Variants in CELF2 observed in about 807,000 individuals in gnomAD.
CELF2 encodes CUGBP Elav-like family member 2, also known as CUG triplet repeat RNA-binding protein 2.
Under a neutral mutation model 62.6 loss-of-function variants are expected in CELF2, and 8 were observed. That is an observed-to-expected ratio of 0.13 (90% CI 0.07 to 0.23). The LOEUF (loss-of-function observed/expected upper bound fraction) is 0.23, where lower values mean the gene tolerates loss of function less well. Among genes scored for constraint, CELF2 ranks in the 10% least tolerant of loss-of-function variants. CELF2 has a pLI of 1.00. For missense variants in CELF2, 333 were observed against 671.0 expected (o/e 0.50, Z 5.56); for synonymous variants, 258 against 250.0 (o/e 1.03, Z -0.30).
chr10:10,574,457 T>C, the CELF2 span, among the ~76,000 whole-genome samples: 2 of 152,184 alleles, frequency 1.3e-5, no homozygotes, highest in Admixed American at 1.3e-4. Flanking sequence ...AAACGTGTTA[T>C]GATCCACCAA....
intron 2 of CELF2, among the ~76,000 whole-genome samples, chr10:11,210,760 G>T (rs748576182): frequency 2.0e-5 from 3 of 152,112 alleles, no homozygotes; most frequent in African/African-American, 7.2e-5. Context: ...GTTGTGACTC[G>T]TTGGCATGTG....
chr10:11,227,643 T>G lies in CELF2; in HGVS notation c.354+10136T>G, dbSNP rs1487439087. Among the ~76,000 whole-genome samples the G allele has an allele frequency of 6.6e-6, 1 of 152,196 alleles. No individual in the cohort carries two copies. The highest frequency in any genetic ancestry group is 2.4e-5 in the African/African-American group (1 of 41,432). On this transcript the variant is annotated intron_variant, in intron 3 of 12. Transcript: ENST00000633077. This position sits in a 1 kb window ranked among gnomAD's most constrained non-coding sequence, Gnocchi z 4.8. ...TCGGCCGGAATCTAAGGGATAGAGATGTATCATGAGGTGGAAGCTCAGGCT... is the reference window on the plus strand; with the variant it reads ...TCGGCCGGAATCTAAGGGATAGAGAGGTATCATGAGGTGGAAGCTCAGGCT...
In CELF2 at chr10:11,217,522, T is replaced by A; in HGVS notation, c.354+15T>A. ...CTTTACCTGGGGTGAGTCGGTTTACTTTTGTACCAGAATCACTTTATTGCT... is the reference window on the plus strand; with the variant it reads ...CTTTACCTGGGGTGAGTCGGTTTACATTTGTACCAGAATCACTTTATTGCT... On this transcript the variant is annotated intron_variant, in intron 3 of 12. Transcript: ENST00000633077. This position sits in a 1 kb window ranked among gnomAD's most constrained non-coding sequence, Gnocchi z 5.6. The A allele has an allele frequency of 6.4e-7, 1 of 1,572,598 alleles. No homozygotes were observed. Among genetic ancestry groups the A allele is most frequent in the Non-Finnish European group, 8.7e-7 (1 of 1,145,530 alleles).
the CELF2 span, among the ~76,000 whole-genome samples, chr10:10,685,163 G>A: frequency 6.6e-6 from 1 of 152,176 alleles, no homozygotes; most frequent in South Asian, 2.1e-4. Flanking sequence ...CTGGGAACCA[G>A]GGGGCCAGAA....
At chr10:10,598,235 A>G in the CELF2 span, among the ~76,000 whole-genome samples, 1 of 152,316 alleles carries the variant, frequency 6.6e-6, no homozygotes, top group Non-Finnish European at 1.5e-5. Flanking sequence ...GTGTTCTAGA[A>G]ACTCAGGTAG....
At chr10:10,755,444 T>C in the CELF2 span, among the ~76,000 whole-genome samples, 2 of 152,170 alleles carry the variant, frequency 1.3e-5, no homozygotes, top group African/African-American at 4.8e-5. Flanking sequence ...AGGGCTGGGA[T>C]AGGCTTCAGT....
intron 1 of CELF2, among the ~76,000 whole-genome samples, chr10:11,119,342 A>C (rs528875144): frequency 8.7e-4 from 132 of 152,338 alleles, no homozygotes; most frequent in African/African-American, 2.9e-3. Flanking sequence ...TGTCCTAAGG[A>C]CAGTAGATGT....
At chr10:10,846,014 C>T (rs150337681) in intron 1 of CELF2, 10 of 588,398 alleles carry the variant, frequency 1.7e-5, no homozygotes, top group South Asian at 1.5e-4. Context: ...GTCTCAGCTT[C>T]GGCATCTGTA....
In CELF2 at chr10:11,024,506, G is replaced by C. The variant is rs1228899939; in HGVS notation, c.74+6343G>C. On this transcript the variant is annotated intron_variant, in intron 1 of 12. Transcript: ENST00000633077. The stretch of plus-strand genomic sequence containing the variant: ...GTCCCACTTACTTGGGAGGCTGAGG[G>C]GGGAGGATCGCCTGAACCTGGGAGG... Among the ~76,000 whole-genome samples, 3 of 152,110 alleles carry C rather than the reference G, an allele frequency of 2.0e-5. No homozygotes were observed. The East Asian group carries it at 5.8e-4, about 29-fold the overall frequency.
rs935940540 is a variant in CELF2, at chr10:11,018,269, C to A, written c.74+106C>A. 4 of 912,624 alleles carry A rather than the reference C, an allele frequency of 4.4e-6. No homozygotes were observed. In the African/African-American group the frequency reaches 5.4e-5, roughly 12 times the overall value. 56.5% of individuals were successfully genotyped at this position (912,624 alleles called of 1,614,324 possible). ...CCGCAGCTCCCGGGCGCGACTCGGC[C>A]GCTTCGGATCCGTCGCCTCCCTCGG... On this transcript the variant is annotated intron_variant, in intron 1 of 12. Transcript: ENST00000633077.
rs1475942303 is a variant in CELF2 at position 10,931,681 on chromosome 10, AC to A, written c.89+11684del. ...TGGTTTACAAGTTTTTAAAATACATACCTAATTAATAATGGAGATGCTTATG... is the reference window on the plus strand; with the variant it reads ...TGGTTTACAAGTTTTTAAAATACATACTAATTAATAATGGAGATGCTTATG... On this transcript the variant is annotated intron_variant, in intron 2 of 13. Coordinates refer to the CELF2 transcript ENST00000636488. The surrounding 1 kb of genome is among the most constrained non-coding windows in gnomAD (Gnocchi z 6.1). Among the ~76,000 whole-genome samples, 3 of 152,336 alleles carry A rather than the reference AC, an allele frequency of 2.0e-5. No homozygotes were observed. Among genetic ancestry groups the A allele is most frequent in the Non-Finnish European group, 2.9e-5 (2 of 68,030 alleles).
In CELF2 at chr10:10,890,994, G is replaced by A. The variant is rs2062099951; in HGVS notation, c.54-28970G>A. 1.3e-5 allele frequency among the ~76,000 whole-genome samples: 2 copies of A among 151,522 alleles called. 1 individual carries two copies. The highest frequency in any genetic ancestry group is 4.2e-4 in the South Asian group (2 of 4,782). Reference sequence around the variant, plus strand: ...TGCAGCATTGCACTCCAGCCTGGGCGACAAGAGCAAGACTTCATCTCAAAA... The same window carrying A: ...TGCAGCATTGCACTCCAGCCTGGGCAACAAGAGCAAGACTTCATCTCAAAA... On this transcript the variant is annotated intron_variant, in intron 1 of 13. Transcript: ENST00000636488.
chr10:10,464,585 C>T, the CELF2 span, among the ~76,000 whole-genome samples: 1 of 152,044 alleles, frequency 6.6e-6, no homozygotes, highest in Non-Finnish European at 1.5e-5. Context: ...TTCCTTCTGG[C>T]TTAAAATAAG....
intron 1 of CELF2, among the ~76,000 whole-genome samples, chr10:11,023,446 T>C (rs900328874): frequency 6.6e-6 from 1 of 152,226 alleles, no homozygotes; most frequent in Non-Finnish European, 1.5e-5. Flanking sequence ...GCAGCAAATG[T>C]GATGCTTTCA....
chr10:11,221,898 C>G (rs890737810), intron 3 of CELF2, among the ~76,000 whole-genome samples: 1 of 152,208 alleles, frequency 6.6e-6, no homozygotes, highest in East Asian at 1.9e-4. Flanking sequence ...TTTACAATAA[C>G]CCATGCAAGG....
chr10:11,319,010 A>G lies in CELF2; in HGVS notation c.1097-2179A>G, dbSNP rs746796630. On this transcript the variant is annotated intron_variant, in intron 10 of 12. Coordinates refer to ENST00000633077, the MANE Select transcript of CELF2 (RefSeq NM_001326342.2). The surrounding 1 kb of genome is among the most constrained non-coding windows in gnomAD (Gnocchi z 4.4). ...CCACTGGAGACGAGCTGCTGTCTTC[A>G]GCCCGTCCTCGTCTGGCAGCAAGGC... is the stretch of plus-strand genomic sequence containing the variant. The G allele has an allele frequency of 2.1e-5, 10 of 471,134 alleles. No homozygotes were observed. Among genetic ancestry groups the G allele is most frequent in the South Asian group, 1.5e-4 (10 of 64,568 alleles). The allele number at this position is 471,134 out of a possible 1,614,324, so 29.2% of individuals were successfully genotyped here. A position where few individuals can be genotyped will look rare whatever the true frequency, so the allele number is the denominator to read the frequency against.
At chr10:10,468,717 T>C in the CELF2 span, among the ~76,000 whole-genome samples, 4 of 152,006 alleles carry the variant, frequency 2.6e-5, no homozygotes, top group Non-Finnish European at 5.9e-5. Context: ...TCTGCTGCTG[T>C]GGGTTTCATC....
At chr10:11,129,544 T>A (rs1026649571) in intron 1 of CELF2, among the ~76,000 whole-genome samples, 1 of 152,138 alleles carries the variant, frequency 6.6e-6, no homozygotes. Context: ...TATTATTGCC[T>A]CCATTTCAGA....
At chr10:10,881,968 A>C (rs1249537106) in intron 1 of CELF2, among the ~76,000 whole-genome samples, 1 of 152,250 alleles carries the variant, frequency 6.6e-6, no homozygotes, top group African/African-American at 2.4e-5. Flanking sequence ...ATGTAGTATT[A>C]CTGCATTTTG....
Sources: allele counts gnomAD v4.1 joint callset (sites outside exome capture counted in the v4.1 genomes callset), GRCh38; gene constraint gnomAD v4.1.1; non-coding constraint Gnocchi (gnomAD v3.1); transcripts MANE v1.5; gene names NCBI Gene and HGNC (gene_info 2026-07-23, HGNC 2026-07-21).